The following HOOK3 variants were observed in gnomAD, a reference collection of about 807,000 sequenced individuals.
HOOK3 encodes the protein protein Hook homolog 3.
A neutral mutation model predicts 116.3 loss-of-function variants in HOOK3; 24 were observed. The observed-to-expected ratio is 0.21, with a 90% confidence interval of 0.15 to 0.29. HOOK3 has a LOEUF of 0.29. HOOK3 is among the 10% of genes least tolerant of loss of function. HOOK3 has a pLI of 1.00. For missense variants in HOOK3, 632 were observed against 830.2 expected (o/e 0.76, Z 2.93); for synonymous variants, 275 against 283.0 (o/e 0.97, Z 0.28).
At chr8:42,966,723 C>T (rs922360425) in intron 10 of HOOK3, 110 bp downstream of exon 10, 13 of 1,158,436 alleles carry the variant, frequency 1.1e-5, no homozygotes, top group Admixed American at 2.2e-5. Flanking sequence ...GCTGGGATCC[C>T]GGGTCTACTG....
At chr8:42,939,371 A>ACGGGGCGGCTGGC (rs1320977683) in intron 4 of HOOK3, among the ~76,000 whole-genome samples, 2 of 148,034 alleles carry the variant, frequency 1.4e-5, no homozygotes, top group African/African-American at 2.5e-5. Context: ...TCCCTCCTGG[A>ACGGGGCGGCTGGC]CGGGGCGGCT....
Position 42,992,710 on chromosome 8 carries a change from C to CAAAA in HOOK3, c.1533-4822_1533-4819dup, listed in dbSNP as rs35064772. 2.8e-3 allele frequency among the ~76,000 whole-genome samples: 156 copies of CAAAA among 56,456 alleles called. 1 individual carries two copies. The highest frequency in any genetic ancestry group is 6.0e-3 in the South Asian group (9 of 1,508). 37.0% of individuals were successfully genotyped at this position (56,456 alleles called of 152,430 possible). On this transcript the variant is annotated intron_variant, in intron 15 of 21. Transcript: ENST00000307602. ...CAGCCTGGTGACAGAGACTCCATCT[C>CAAAA]AAAAAAAAAAAAAAAAAAAAAGAAA...
At chr8:42,930,195 G>A (rs1210807987) in intron 4 of HOOK3, 23 bp downstream of exon 4, 2 of 1,503,100 alleles carry the variant, frequency 1.3e-6, no homozygotes, top group South Asian at 1.3e-5. Flanking sequence ...TTCTCATTCT[G>A]CTTAGAAGTG....
intron 4 of HOOK3, among the ~76,000 whole-genome samples, chr8:42,941,880 C>T (rs921976594): frequency 6.6e-6 from 1 of 152,158 alleles, no homozygotes; most frequent in Non-Finnish European, 1.5e-5. Flanking sequence ...ATCCCCCCAC[C>T]TATAACTATA....
intron 2 of HOOK3, among the ~76,000 whole-genome samples, chr8:42,909,318 G>A (rs949312537): frequency 6.6e-6 from 1 of 152,208 alleles, no homozygotes; most frequent in Admixed American, 6.5e-5. Context: ...TTTGAAACTG[G>A]TATGTTGAGG....
At position 43,022,861 on chromosome 8, in the gene HOOK3, T is replaced by C. The variant is rs188979355; in HGVS notation, c.*4363T>C. 249 of 172,082 alleles carry C rather than the reference T, an allele frequency of 1.4e-3. 3 individuals carry two copies. The highest frequency in any genetic ancestry group is 7.3e-3 in the Middle Eastern group (3 of 410). 10.7% of individuals were successfully genotyped at this position (172,082 alleles called of 1,614,324 possible). Reference sequence around the variant, plus strand: ...AATTTTGTTGAGGTTTTATTGTTAATATAATAAAAGCTCAACTGTACAAAA... The same window carrying C: ...AATTTTGTTGAGGTTTTATTGTTAACATAATAAAAGCTCAACTGTACAAAA... On this transcript the variant is annotated 3_prime_UTR_variant, in exon 22 of 22. Coordinates refer to ENST00000307602, the MANE Select transcript of HOOK3 (RefSeq NM_032410.4).
intron 1 of HOOK3, among the ~76,000 whole-genome samples, chr8:42,899,156 A>G (rs555494538): frequency 2.0e-5 from 3 of 152,332 alleles, no homozygotes; most frequent in African/African-American, 7.2e-5. Context: ...TAAGTGAGAA[A>G]TGCTGATAAA....
chr8:42,918,635 G>C (rs1463931962), intron 2 of HOOK3, among the ~76,000 whole-genome samples: 2 of 152,070 alleles, frequency 1.3e-5, no homozygotes, highest in African/African-American at 4.8e-5. Flanking sequence ...GACTCTTAAC[G>C]AGTATGCTGC....
chr8:43,001,693 A>G (rs1809383594), intron 16 of HOOK3, among the ~76,000 whole-genome samples: 1 of 152,190 alleles, frequency 6.6e-6, no homozygotes, highest in Non-Finnish European at 1.5e-5. Context: ...AGACATATTT[A>G]TAGAAGCTGG....
chr8:42,975,257 G>T (rs1055883095), intron 13 of HOOK3, among the ~76,000 whole-genome samples: 1 of 152,180 alleles, frequency 6.6e-6, no homozygotes, highest in Non-Finnish European at 1.5e-5. Flanking sequence ...ATTCTGTGCT[G>T]TTAGGGATTA....
At chr8:43,015,963 G>T (rs1256417258) in intron 21 of HOOK3, among the ~76,000 whole-genome samples, 1 of 151,302 alleles carries the variant, frequency 6.6e-6, no homozygotes, top group African/African-American at 2.4e-5. Context: ...TGATTCACCC[G>T]CCTCAGTCTC....
At position 42,958,877 on chromosome 8, in the gene HOOK3, A is replaced by G. The variant is rs1808486374; in HGVS notation, c.532-354A>G. Among the ~76,000 whole-genome samples the G allele has an allele frequency of 2.0e-5, 3 of 152,232 alleles. No homozygotes were observed. The South Asian group carries it at 6.2e-4, about 32-fold the overall frequency. ...TTCTAGCTGCATATTTTAACAATTAAAATCCCTATTCCCCTAGCACATACA... is the reference window on the plus strand; with the variant it reads ...TTCTAGCTGCATATTTTAACAATTAGAATCCCTATTCCCCTAGCACATACA... On this transcript the variant is annotated intron_variant, in intron 7 of 21. Coordinates refer to ENST00000307602, the MANE Select transcript of HOOK3 (RefSeq NM_032410.4).
intron 4 of HOOK3, among the ~76,000 whole-genome samples, chr8:42,942,560 C>T (rs1237077670): frequency 1.3e-5 from 2 of 152,172 alleles, no homozygotes; most frequent in African/African-American, 2.4e-5. Context: ...ACCTGTATGT[C>T]ATCTAGTTAT....
In HOOK3 at chr8:43,024,745, A is replaced by G. The variant is rs374649019; in HGVS notation, c.*6247A>G. 1 of 196,354 alleles carries G rather than the reference A, an allele frequency of 5.1e-6. No homozygotes were observed. The highest frequency in any genetic ancestry group is 2.3e-5 in the African/African-American group (1 of 43,404). The allele number at this position is 196,354 out of a possible 1,614,324, so 12.2% of individuals were successfully genotyped here. On this transcript the variant is annotated 3_prime_UTR_variant, in exon 22 of 22. Transcript: ENST00000307602. ...TCCAGTTTTAACACAGAAGTGGTCT[A>G]AAGTTTTGCAGCAAATGCTGTTCAG...
chr8:42,940,836 A>T (rs146838625), intron 4 of HOOK3, among the ~76,000 whole-genome samples: 1,905 of 152,308 alleles, frequency 0.013, 39 homozygotes, highest in African/African-American at 0.044. Flanking sequence ...TAATATCCTG[A>T]AGAGTGTTTT....
Position 42,985,450 on chromosome 8 carries a change from T to C in HOOK3, c.1392-1205T>C, listed in dbSNP as rs556328294. Reference sequence around the variant, plus strand: ...TGTAAATAGCAGGTACCAATGTACATGTACTGTGTGATCCCATTTGAAAAA... The same window carrying C: ...TGTAAATAGCAGGTACCAATGTACACGTACTGTGTGATCCCATTTGAAAAA... On this transcript the variant is annotated intron_variant, in intron 14 of 21. Transcript: ENST00000307602. 4.6e-5 allele frequency among the ~76,000 whole-genome samples: 7 copies of C among 152,326 alleles called. No individual in the cohort carries two copies. The East Asian group carries it at 1.3e-3, about 29-fold the overall frequency.
At chr8:42,942,877 T>C (rs921404033) in intron 4 of HOOK3, among the ~76,000 whole-genome samples, 1 of 152,210 alleles carries the variant, frequency 6.6e-6, no homozygotes. Flanking sequence ...TGCTCCTTCC[T>C]GACGTAGGTA....
chr8:42,997,346 A>AC, intron 15 of HOOK3, among the ~76,000 whole-genome samples: 2 of 152,358 alleles, frequency 1.3e-5, no homozygotes, highest in Middle Eastern at 3.4e-3. Context: ...CTGTGTTAGA[A>AC]GTCATCATTC....
chr8:42,957,148 G>A lies in HOOK3; in HGVS notation c.523G>A (p.Asp175Asn). ...TGGAAATGATGCCTATGTTGACCTT[G>A]ATCGTCAGGTATATAATTTTACATT... Reference protein sequence around the residue: ...SAGNDAYVDLDRQLKKTTEEL... With the variant: ...SAGNDAYVDLNRQLKKTTEEL... Residue 175 changes from aspartate to asparagine, a missense_variant, in exon 7 of 22, where the codon GAT becomes AAT. Around this residue, in one of 3 missense-constraint regions of HOOK3, gnomAD observed 483 missense variants for 648.1 expected, o/e 0.75. Coordinates refer to ENST00000307602, the MANE Select transcript of HOOK3 (RefSeq NM_032410.4). The A allele has an allele frequency of 6.3e-7, 1 of 1,577,972 alleles. No homozygotes were observed. Among genetic ancestry groups the A allele is most frequent in the Non-Finnish European group, 8.7e-7 (1 of 1,154,070 alleles).
Sources: allele counts gnomAD v4.1 joint callset (sites outside exome capture counted in the v4.1 genomes callset), GRCh38; gene constraint gnomAD v4.1.1; regional missense constraint gnomAD v4.1.1; transcripts MANE v1.5; gene names NCBI Gene and HGNC (gene_info 2026-07-23, HGNC 2026-07-21).